Variants in SEM1 observed in about 807,000 individuals in gnomAD.
SEM1 encodes SEM1 26S proteasome subunit.
A neutral mutation model predicts 12.7 loss-of-function variants in SEM1; 3 were observed. The ratio of observed to expected loss-of-function variants is 0.24; its 90% CI spans 0.11 to 0.61. The LOEUF is 0.61. Ranked by LOEUF, SEM1 falls within the 20% of genes least tolerant of loss-of-function variation. SEM1 has a pLI of 0.88. For missense variants in SEM1, 59 were observed against 81.3 expected (o/e 0.73, Z 1.06); for synonymous variants, 30 against 27.8 (o/e 1.08, Z -0.25).
chr7:96,647,246 G>T lies in SEM1; in HGVS notation c.171-24603C>A, dbSNP rs190225660. Among the ~76,000 whole-genome samples, 24 of 152,264 alleles carry T rather than the reference G, an allele frequency of 1.6e-4. 1 individual carries two copies. The East Asian group carries it at 4.2e-3, about 27-fold the overall frequency. Reference sequence around the variant, plus strand: ...ATTGCCAAGTGGTACAGGACTCAGGGTCTGGAGTCAAATCAAATAGATGCT... The same window carrying T: ...ATTGCCAAGTGGTACAGGACTCAGGTTCTGGAGTCAAATCAAATAGATGCT... On this transcript the variant is annotated intron_variant, in intron 2 of 2. Coordinates refer to the SEM1 transcript ENST00000417009.
At chr7:96,489,713 AG>A (rs1348613277) in intron 1 of SEM1, among the ~76,000 whole-genome samples, 1 of 152,140 alleles carries the variant, frequency 6.6e-6, no homozygotes, top group East Asian at 1.9e-4. Context: ...GGCTCCTGGG[AG>A]GGGGCTGATT....
chr7:96,657,974 AG>A (rs1369057893), intron 2 of SEM1, among the ~76,000 whole-genome samples: 2 of 152,230 alleles, frequency 1.3e-5, no homozygotes, highest in Non-Finnish European at 2.9e-5. Flanking sequence ...ACCTGCTGAC[AG>A]GGTCTTTCTT....
intron 2 of SEM1, among the ~76,000 whole-genome samples, chr7:96,550,786 C>T (rs1311250364): frequency 6.6e-6 from 1 of 152,084 alleles, no homozygotes; most frequent in Non-Finnish European, 1.5e-5. Context: ...GTACAGCAGT[C>T]TGAGGAGTGT....
chr7:96,486,408 T>C (rs1211055438), exon 2 of SEM1: 21 of 1,536,912 alleles, frequency 1.4e-5, no homozygotes, highest in Non-Finnish European at 1.8e-5. Context: ...ACAGCACAAA[T>C]GTTGGAGTCC....
intron 2 of SEM1, among the ~76,000 whole-genome samples, chr7:96,516,484 C>T (rs1804099016): frequency 6.6e-6 from 1 of 152,144 alleles, no homozygotes; most frequent in Non-Finnish European, 1.5e-5. Flanking sequence ...TGAACAGATT[C>T]TCCACCTCTT....
At chr7:96,522,722 A>C (rs867238885) in intron 2 of SEM1, among the ~76,000 whole-genome samples, 59 of 120,634 alleles carry the variant, frequency 4.9e-4, no homozygotes, top group African/African-American at 8.4e-4. Context: ...TACTAAAAAT[A>C]CCCCCCCCCC....
At chr7:96,559,634 T>G (rs564393838) in intron 2 of SEM1, among the ~76,000 whole-genome samples, 1 of 152,204 alleles carries the variant, frequency 6.6e-6, no homozygotes, top group Non-Finnish European at 1.5e-5. Flanking sequence ...TGGACAATCT[T>G]TTGTGTTAGT....
At chr7:96,580,116 C>A (rs570872557) in intron 2 of SEM1, among the ~76,000 whole-genome samples, 36 of 119,672 alleles carry the variant, frequency 3.0e-4, no homozygotes, top group Non-Finnish European at 5.3e-4. Flanking sequence ...CTATCCCTCC[C>A]CCCTCCCCCC....
chr7:96,536,830 A>G (rs767960424), intron 2 of SEM1, among the ~76,000 whole-genome samples: 1 of 151,802 alleles, frequency 6.6e-6, no homozygotes, highest in Non-Finnish European at 1.5e-5. Context: ...TATTTCTCAT[A>G]GACAACATAG....
At chr7:96,499,731 GA>G (rs780108350), upstream of SEM1, among the ~76,000 whole-genome samples, 2 of 152,152 alleles carry the variant, frequency 1.3e-5, no homozygotes, top group Non-Finnish European at 2.9e-5. Context: ...GCATAGAGTG[GA>G]AAAACAAACA....
At position 96,705,299 on chromosome 7, in the gene SEM1, G is replaced by A. The variant is rs146268828; in HGVS notation, c.76+4389C>T. Among the ~76,000 whole-genome samples the A allele has an allele frequency of 5.1e-3, 760 of 150,008 alleles. 8 individuals carry two copies. The highest frequency in any genetic ancestry group is 0.018 in the African/African-American group (715 of 40,806). On this transcript the variant is annotated intron_variant, in intron 1 of 2. Coordinates refer to ENST00000248566, the MANE Select transcript of SEM1 (RefSeq NM_006304.2). Reference sequence around the variant, plus strand: ...TTAGTATAATATCACTCTTGTAAACGCTATTGCTGCTGCAGGCAAACTCAA... The same window carrying A: ...TTAGTATAATATCACTCTTGTAAACACTATTGCTGCTGCAGGCAAACTCAA...
At chr7:96,499,355 G>A (rs1182132244), upstream of SEM1, among the ~76,000 whole-genome samples, 1 of 152,146 alleles carries the variant, frequency 6.6e-6, no homozygotes, top group Non-Finnish European at 1.5e-5. Flanking sequence ...TAATAAAATT[G>A]AGACTGAGAC....
At chr7:96,487,347 A>G (rs1311026619) in intron 1 of SEM1, among the ~76,000 whole-genome samples, 29 of 150,170 alleles carry the variant, frequency 1.9e-4, no homozygotes, top group Admixed American at 1.9e-3. Flanking sequence ...AAAAATTAGT[A>G]ACACTAACCC....
chr7:96,519,581 C>G (rs756354829), intron 2 of SEM1, among the ~76,000 whole-genome samples: 2 of 151,898 alleles, frequency 1.3e-5, no homozygotes, highest in Non-Finnish European at 2.9e-5. Context: ...AGTGAAGACT[C>G]GAAGGAGGTG....
intron 2 of SEM1, among the ~76,000 whole-genome samples, chr7:96,694,329 G>A (rs192804190): frequency 6.6e-6 from 1 of 151,898 alleles, no homozygotes; most frequent in South Asian, 2.1e-4. Flanking sequence ...ACTTTCAAAT[G>A]CTTAATTTTA....
intron 2 of SEM1, among the ~76,000 whole-genome samples, chr7:96,513,322 G>A (rs1017583144): frequency 6.6e-6 from 1 of 152,046 alleles, no homozygotes; most frequent in African/African-American, 2.4e-5. Flanking sequence ...AAAATGTGAG[G>A]TAATAAATTT....
rs181748437 is a variant in SEM1, at chr7:96,626,906, A to G, written c.171-4263T>C. ...TTTGATAGAATTCAGCAGTGAAGCC[A>G]TTAGGTCCTGGGCTTTTCTTTACTG... On this transcript the variant is annotated intron_variant, in intron 2 of 2. Coordinates refer to the SEM1 transcript ENST00000417009. 1.4e-3 allele frequency among the ~76,000 whole-genome samples: 215 copies of G among 152,214 alleles called. 1 individual carries two copies. The highest frequency in any genetic ancestry group is 2.8e-3 in the Non-Finnish European group (193 of 67,960).
At chr7:96,576,220 T>A (rs1365218354) in intron 2 of SEM1, among the ~76,000 whole-genome samples, 4 of 152,212 alleles carry the variant, frequency 2.6e-5, no homozygotes, top group African/African-American at 4.8e-5. Context: ...GACACTTTGT[T>A]TTAGAAGCAT....
At chr7:96,557,762 A>G (rs940839614) in intron 2 of SEM1, among the ~76,000 whole-genome samples, 14 of 151,692 alleles carry the variant, frequency 9.2e-5, no homozygotes, top group Admixed American at 5.2e-4. Flanking sequence ...AATCAAGCCT[A>G]GGCAATGGCG....
Sources: gnomAD v4.1 joint callset for allele counts (sites outside exome capture counted in the v4.1 genomes callset) on GRCh38, gnomAD v4.1.1 for gene constraint, MANE v1.5 for transcripts, NCBI Gene and HGNC (gene_info 2026-07-23, HGNC 2026-07-21) for gene names.